NCLN: variants seen among roughly 807,000 people sequenced by gnomAD.
NCLN encodes the protein nicalin, also known as BOS complex subunit NCLN.
Under a neutral mutation model 69.5 loss-of-function variants are expected in NCLN, and 34 were observed. The observed-to-expected ratio is 0.49, with a 90% CI of 0.37 to 0.65. NCLN has a LOEUF of 0.65. NCLN is among the 30% of genes least tolerant of loss of function. The pLI, the probability that NCLN is intolerant of heterozygous loss-of-function variation, is 0.00. For missense variants in NCLN, 710 were observed against 804.8 expected (o/e 0.88, Z 1.42); for synonymous variants, 393 against 358.3 (o/e 1.10, Z -1.09).
chr19:3,203,927 C>A, intron 7 of NCLN, 78 bp from the exon 8 acceptor site: 1 of 1,565,366 alleles, frequency 6.4e-7, no homozygotes, highest in Admixed American at 1.9e-5. Context: ...GCCATGGGGG[C>A]AGCCAGGAGG....
chr19:3,188,843 C>T (rs568480205), intron 1 of NCLN, among the ~76,000 whole-genome samples: 7 of 152,328 alleles, frequency 4.6e-5, no homozygotes, highest in East Asian at 1.9e-4. Context: ...GCAGGGTAGG[C>T]GAGGCCCAGC....
At chr19:3,195,381 C>T (rs1915929367) in intron 3 of NCLN, among the ~76,000 whole-genome samples, 1 of 151,856 alleles carries the variant, frequency 6.6e-6, no homozygotes, top group African/African-American at 2.4e-5. Context: ...TCCAGAGTAG[C>T]TGGGACTACA....
chr19:3,207,049 C>T (rs1433486172), intron 12 of NCLN, 149 bp from the exon 13 acceptor site: 5 of 901,532 alleles, frequency 5.5e-6, no homozygotes, highest in Non-Finnish European at 9.0e-6. Flanking sequence ...GTCTTGAACT[C>T]TTGACTTCAA....
At chr19:3,206,063 C>T (rs759631616) in intron 10 of NCLN, 37 bp downstream of exon 10, 19 of 1,609,140 alleles carry the variant, frequency 1.2e-5, no homozygotes, top group Non-Finnish European at 8.5e-7. Flanking sequence ...AGACCCAGCC[C>T]CAGCCCTGCC....
intron 1 of NCLN, among the ~76,000 whole-genome samples, chr19:3,191,388 C>T (rs974646630): frequency 8.5e-5 from 13 of 152,300 alleles, no homozygotes; most frequent in Admixed American, 5.9e-4. Flanking sequence ...CTCTCAGCGA[C>T]GGCCGTGGCC....
intron 12 of NCLN, 142 bp downstream of exon 12, chr19:3,206,567 C>A: frequency 1.8e-6 from 2 of 1,139,348 alleles, no homozygotes; most frequent in African/African-American, 1.6e-5. Context: ...CCGGACACGG[C>A]GGCTGTGCCT....
intron 3 of NCLN, 97 bp downstream of exon 3, chr19:3,193,525 C>A: frequency 7.4e-7 from 1 of 1,359,222 alleles, no homozygotes; most frequent in Non-Finnish European, 9.7e-7. Flanking sequence ...TTTCTGCTCT[C>A]AGCGTGTGGC....
intron 3 of NCLN, among the ~76,000 whole-genome samples, chr19:3,195,343 G>A (rs940232071): frequency 2.0e-5 from 3 of 151,620 alleles, no homozygotes; most frequent in Admixed American, 6.6e-5. Context: ...TCCACCTCCC[G>A]GGTTCGCGCC....
chr19:3,196,106 G>A (rs935797206), intron 3 of NCLN, 77 bp from the exon 4 acceptor site: 3 of 1,068,136 alleles, frequency 2.8e-6, no homozygotes, highest in Non-Finnish European at 4.0e-6. Context: ...CCCCAACCTG[G>A]GGTGTCAGTG....
At chr19:3,196,045 C>T (rs1345236377) in intron 3 of NCLN, 138 bp from the exon 4 acceptor site, 1 of 520,908 alleles carries the variant, frequency 1.9e-6, no homozygotes, top group Non-Finnish European at 3.4e-6. Context: ...CCTGTGGTAT[C>T]GAAATCTGCT....
At position 3,198,797 on chromosome 19, in the gene NCLN, C is replaced by T. The variant is rs1039467016; in HGVS notation, c.616-20C>T. 4 of 1,574,260 alleles carry T rather than the reference C, an allele frequency of 2.5e-6. No homozygotes were observed. The highest frequency in any genetic ancestry group is 4.8e-5 in the East Asian group (2 of 41,262). ...CTGCCCCAGGAACAGCCAGGCCATT[C>T]CCCTGCTCTCTATCCACAGGGGCGG... is the stretch of plus-strand genomic sequence containing the variant. On this transcript the variant is annotated intron_variant, in intron 4 of 14. Coordinates refer to ENST00000246117, the MANE Select transcript of NCLN (RefSeq NM_020170.4).
Position 3,196,168 on chromosome 19 carries a change from TCTCC to T in NCLN, c.521-11_521-8del. On this transcript the variant is annotated splice_polypyrimidine_tract_variant and intron_variant, in intron 3 of 14. Coordinates refer to ENST00000246117, the MANE Select transcript of NCLN (RefSeq NM_020170.4). Reference sequence around the variant, plus strand: ...TGGCTGGGCCAAGGCTGATGCGCCCTCTCCCTCTCCCTAGTACTGCTGCGCACGG... The same window carrying T: ...TGGCTGGGCCAAGGCTGATGCGCCCTCTCTCCCTAGTACTGCTGCGCACGG... The T allele has an allele frequency of 6.6e-7, 1 of 1,526,556 alleles. No individual in the cohort carries two copies. The highest frequency in any genetic ancestry group is 1.4e-5 in the African/African-American group (1 of 71,778). The allele number at this position is 1,526,556 out of a possible 1,614,324, so 94.6% of individuals were successfully genotyped here.
chr19:3,208,886 C>G lies in NCLN; in HGVS notation c.*1198C>G, dbSNP rs1021309193. ...GGACAGAACCCTCCACCCCGCAGAC[C>G]AGGCGTCGTGTGTGTGTGGGAGAGA... On this transcript the variant is annotated 3_prime_UTR_variant, in exon 15 of 15. Coordinates refer to ENST00000246117, the MANE Select transcript of NCLN (RefSeq NM_020170.4). 2 of 152,472 alleles carry G rather than the reference C, an allele frequency of 1.3e-5. No homozygotes were observed. Among genetic ancestry groups the G allele is most frequent in the Admixed American group, 6.5e-5 (1 of 15,270 alleles). 9.4% of individuals were successfully genotyped at this position (152,472 alleles called of 1,614,324 possible).
rs890612564 is a variant in NCLN at position 3,202,530 on chromosome 19, G to A, written c.800+904G>A. Among the ~76,000 whole-genome samples, 7 of 152,334 alleles carry A rather than the reference G, an allele frequency of 4.6e-5. 1 individual carries two copies. Among genetic ancestry groups the A allele is most frequent in the African/African-American group, 2.4e-5 (1 of 41,578 alleles). ...GACCCCGGCCCAGTCACCTGCTCCC[G>A]AGATGGTACTGCTGCAGTCATTGTG... On this transcript the variant is annotated intron_variant, in intron 6 of 14. Coordinates refer to ENST00000246117, the MANE Select transcript of NCLN (RefSeq NM_020170.4).
intron 1 of NCLN, among the ~76,000 whole-genome samples, chr19:3,186,426 TC>T (rs1282418315): frequency 6.6e-6 from 1 of 151,618 alleles, no homozygotes; most frequent in East Asian, 2.0e-4. Context: ...CCGCGCTCGC[TC>T]CCACAGCCCC....
In NCLN at chr19:3,185,971, G is replaced by T; in HGVS notation, c.-60G>T. 7.9e-7 allele frequency: 1 copy of T among 1,271,466 alleles called. No homozygotes were observed. The highest frequency in any genetic ancestry group is 2.0e-5 in the South Asian group (1 of 51,232). The allele number at this position is 1,271,466 out of a possible 1,614,324, so 78.8% of individuals were successfully genotyped here. ...CCCATGCCGAGGTGAGTCCGCGGGAGCCGCCGCCGCCGCCGTCCCGTCCCA... is the reference window on the plus strand; with the variant it reads ...CCCATGCCGAGGTGAGTCCGCGGGATCCGCCGCCGCCGCCGTCCCGTCCCA... On this transcript the variant is annotated 5_prime_UTR_variant, in exon 1 of 15. Transcript: ENST00000246117.
Position 3,198,843 on chromosome 19 carries a change from G to T in NCLN, c.642G>T (p.Glu214Asp). 6.4e-7 allele frequency: 1 copy of T among 1,572,830 alleles called. No homozygotes were observed. Among genetic ancestry groups the T allele is most frequent in the Non-Finnish European group, 8.6e-7 (1 of 1,160,090 alleles). The change falls in exon 5 of 15, where the codon GAG becomes GAT. Residue 214 changes from glutamate to aspartate, a missense_variant. Coordinates refer to ENST00000246117, the MANE Select transcript of NCLN (RefSeq NM_020170.4). Reference sequence around the variant, plus strand: ...GGCGGCTGACGGGGCTGGGCGGAGAGGACCTTCCCACCATCGTCATCGTGG... The same window carrying T: ...GGCGGCTGACGGGGCTGGGCGGAGATGACCTTCCCACCATCGTCATCGTGG... ...VEGRLTGLGG[E>D]DLPTIVIVAH... is the part of the protein sequence containing the mutation.
chr19:3,204,666 T>A lies in NCLN; in HGVS notation c.1123T>A (p.Phe375Ile). ...EDVLAWEHER[F>I]AIRRLPAFTL... ...CGTGCTGGCCTGGGAGCACGAGCGC[T>A]TCGCCATCCGCCGACTGCCCGCCTT... Residue 375 changes from phenylalanine to isoleucine, a missense_variant, in exon 9 of 15, where the codon TTC becomes ATC. Physicochemically the swap from Phe to Ile is conservative, Grantham distance 21. Transcript: ENST00000246117. 1 of 1,609,442 alleles carries A rather than the reference T, an allele frequency of 6.2e-7. No individual in the cohort carries two copies. The highest frequency in any genetic ancestry group is 1.7e-4 in the Middle Eastern group (1 of 6,048).
At chr19:3,187,001 C>T (rs761497548) in intron 1 of NCLN, among the ~76,000 whole-genome samples, 8 of 152,204 alleles carry the variant, frequency 5.3e-5, no homozygotes, top group Non-Finnish European at 8.8e-5. Context: ...TCTCCTCCCA[C>T]GTCCCCAGTT....
Sources: allele counts gnomAD v4.1 joint callset (sites outside exome capture counted in the v4.1 genomes callset), GRCh38; gene constraint gnomAD v4.1.1; transcripts MANE v1.5; gene names NCBI Gene and HGNC (gene_info 2026-07-23, HGNC 2026-07-21).